METTL15: variants seen among roughly 807,000 people sequenced by gnomAD.
METTL15 encodes methyltransferase 15, mitochondrial 12S rRNA N4-cytidine.
In METTL15, 34 loss-of-function variants were observed where a neutral mutation model predicts 38.3. That is an observed-to-expected ratio of 0.89 (90% confidence interval 0.68 to 1.18). The LOEUF (loss-of-function observed/expected upper bound fraction) is 1.18, where lower values mean the gene tolerates loss of function less well. Among genes scored for constraint, METTL15 ranks in the 50% most tolerant of loss-of-function variants. The pLI, the probability that METTL15 is intolerant of heterozygous loss-of-function variation, is 0.00. For synonymous variants in METTL15, 162 were observed against 170.9 expected (o/e 0.95, Z 0.41); for missense variants, 438 against 498.4 (o/e 0.88, Z 1.15).
chr11:28,449,566 A>G (rs910855270), intron 6 of METTL15, among the ~76,000 whole-genome samples: 1 of 152,176 alleles, frequency 6.6e-6, no homozygotes, highest in African/African-American at 2.4e-5. Context: ...ATAGCAATTA[A>G]CGATGGCTGC....
chr11:28,212,091 A>G (rs1852665483), intron 4 of METTL15, among the ~76,000 whole-genome samples: 1 of 152,102 alleles, frequency 6.6e-6, no homozygotes, highest in Non-Finnish European at 1.5e-5. Flanking sequence ...AAGTTTAATC[A>G]GACACTAAGA....
At chr11:28,305,005 C>T (rs1294418483) in intron 6 of METTL15, among the ~76,000 whole-genome samples, 1 of 152,090 alleles carries the variant, frequency 6.6e-6, no homozygotes, top group Non-Finnish European at 1.5e-5. Flanking sequence ...TTGTCATTGC[C>T]ACTGCTATGA....
intron 4 of METTL15, among the ~76,000 whole-genome samples, chr11:28,243,630 G>T (rs1243773468): frequency 6.6e-6 from 1 of 152,074 alleles, no homozygotes; most frequent in East Asian, 1.9e-4. Context: ...ATTAAGAGTA[G>T]CATTCCAGGA....
At chr11:28,167,684 C>T (rs1035664036) in intron 3 of METTL15, among the ~76,000 whole-genome samples, 10 of 151,206 alleles carry the variant, frequency 6.6e-5, no homozygotes, top group Non-Finnish European at 1.5e-4. Context: ...ATCACAGAAT[C>T]CCACAGTACG....
At chr11:28,299,013 A>G (rs139303793) in intron 6 of METTL15, among the ~76,000 whole-genome samples, 2 of 152,276 alleles carry the variant, frequency 1.3e-5, no homozygotes, top group East Asian at 1.9e-4. Flanking sequence ...CAGGGAACTG[A>G]GTGAAAACAT....
chr11:28,143,483 G>T (rs1357516991), intron 3 of METTL15, among the ~76,000 whole-genome samples: 1 of 152,038 alleles, frequency 6.6e-6, no homozygotes, highest in East Asian at 1.9e-4. Context: ...TACTGAAGAA[G>T]CTACCCCTCT....
chr11:28,412,455 G>C (rs1850736552), intron 5 of METTL15, among the ~76,000 whole-genome samples: 1 of 151,778 alleles, frequency 6.6e-6, no homozygotes. Context: ...GAGAGAGAGA[G>C]AGAGAGCTCA....
intron 3 of METTL15, among the ~76,000 whole-genome samples, chr11:28,120,124 T>A (rs1450909474): frequency 6.6e-6 from 1 of 152,092 alleles, no homozygotes; most frequent in Non-Finnish European, 1.5e-5. Flanking sequence ...GCTAATTTTT[T>A]TGTATTTTTA....
rs565040532 is a variant in METTL15, at chr11:28,333,488, A to T, written c.*2647A>T. The T allele has an allele frequency of 3.9e-4, 59 of 152,162 alleles. No homozygotes were observed. Among genetic ancestry groups the T allele is most frequent in the Non-Finnish European group, 4.4e-4 (30 of 67,994 alleles). The allele number at this position is 152,162 out of a possible 1,614,324, so 9.4% of individuals were successfully genotyped here. A position where few individuals can be genotyped will look rare whatever the true frequency, so the allele number is the denominator to read the frequency against. ...ACTATGAATGCGCATTACTTTTCTAATAAAATGTTTCTGAATCTCTGTCTT... is the reference window on the plus strand; with the variant it reads ...ACTATGAATGCGCATTACTTTTCTATTAAAATGTTTCTGAATCTCTGTCTT... On this transcript the variant is annotated 3_prime_UTR_variant, in exon 7 of 7. Transcript: ENST00000407364.
intron 5 of METTL15, among the ~76,000 whole-genome samples, chr11:28,390,462 G>C (rs868670994): frequency 2.7e-3 from 402 of 151,008 alleles, no homozygotes; most frequent in African/African-American, 6.7e-3. Context: ...GCCAGTTTTC[G>C]CAGCACCATT....
At chr11:28,422,531 A>ATCCCCT in intron 5 of METTL15, among the ~76,000 whole-genome samples, 1 of 152,010 alleles carries the variant, frequency 6.6e-6, no homozygotes, top group Non-Finnish European at 1.5e-5. Flanking sequence ...ACTCAGAAAC[A>ATCCCCT]AATCTGTACA....
At chr11:28,205,881 G>GT (rs1271017697) in intron 3 of METTL15, among the ~76,000 whole-genome samples, 4 of 149,462 alleles carry the variant, frequency 2.7e-5, no homozygotes, top group East Asian at 3.9e-4. Flanking sequence ...TTTTTCATGT[G>GT]TTTTTTGGCT....
chr11:28,503,788 C>G lies in METTL15; in HGVS notation c.*425-22690C>G, dbSNP rs547482639. On this transcript the variant is annotated intron_variant and NMD_transcript_variant, in intron 6 of 7. Transcript: ENST00000532947. ...CCTGGGCAACAGAACAAGGCTCCAT[C>G]TCGAGGGGAAAAAAAAAAAGATTCA... Among the ~76,000 whole-genome samples, 60 of 151,436 alleles carry G rather than the reference C, an allele frequency of 4.0e-4. No homozygotes were observed. In the South Asian group the frequency reaches 0.012, roughly 30 times the overall value.
At position 28,151,867 on chromosome 11, in the gene METTL15, A is replaced by G. The variant is rs577043727; in HGVS notation, c.270+38263A>G. 3.9e-5 allele frequency among the ~76,000 whole-genome samples: 6 copies of G among 152,042 alleles called. No individual in the cohort carries two copies. In the East Asian group the frequency reaches 9.6e-4, roughly 24 times the overall value. ...AGTAGGCTTATAGCTGTTCTTCAAG[A>G]CCTGTCAATTTCCTGAGTGTTCCCC... On this transcript the variant is annotated intron_variant, in intron 3 of 6. Coordinates refer to ENST00000407364, the MANE Select transcript of METTL15 (RefSeq NM_001113528.2).
intron 5 of METTL15, among the ~76,000 whole-genome samples, chr11:28,376,129 A>T (rs1018441460): frequency 6.6e-6 from 1 of 151,598 alleles, no homozygotes; most frequent in Non-Finnish European, 1.5e-5. Flanking sequence ...GGTGCTGAAA[A>T]AAATGTATAT....
intron 4 of METTL15, among the ~76,000 whole-genome samples, chr11:28,257,603 G>A (rs1474420626): frequency 1.3e-5 from 2 of 151,890 alleles, no homozygotes; most frequent in African/African-American, 4.8e-5. Context: ...TGTCTCTTCT[G>A]TGTATTATCA....
At chr11:28,307,349 ATATAT>A (rs1023201736) in intron 6 of METTL15, among the ~76,000 whole-genome samples, 13 of 151,940 alleles carry the variant, frequency 8.6e-5, no homozygotes, top group African/African-American at 3.1e-4. Flanking sequence ...TCAAAACTTG[ATATAT>A]TATGTCTTAA....
chr11:28,406,805 G>T (rs1168131543), intron 5 of METTL15, among the ~76,000 whole-genome samples: 3 of 152,152 alleles, frequency 2.0e-5, no homozygotes, highest in African/African-American at 7.2e-5. Flanking sequence ...CATTCAGTAT[G>T]ATATTGGCTG....
At chr11:28,253,831 A>G (rs1854854862) in intron 4 of METTL15, among the ~76,000 whole-genome samples, 1 of 152,156 alleles carries the variant, frequency 6.6e-6, no homozygotes, top group South Asian at 2.1e-4. Flanking sequence ...TTTTATGGCT[A>G]AATAGTACTC....
Sources: gnomAD v4.1 joint callset for allele counts (sites outside exome capture counted in the v4.1 genomes callset) on GRCh38, gnomAD v4.1.1 for gene constraint, MANE v1.5 for transcripts, NCBI Gene and HGNC (gene_info 2026-07-23, HGNC 2026-07-21) for gene names.